The following TRAPPC9 variants were observed in gnomAD, a reference collection of about 807,000 sequenced individuals.
The protein encoded by TRAPPC9 is trafficking protein particle complex subunit 9, also known as IKK2 binding protein.
In TRAPPC9, 83 loss-of-function variants were observed where a neutral mutation model predicts 124.0. The observed-to-expected ratio is 0.67, with a 90% CI of 0.56 to 0.80. The LOEUF is 0.80. TRAPPC9 is among the 30% of genes least tolerant of loss of function. TRAPPC9 has a pLI of 0.00. For synonymous variants in TRAPPC9, 638 were observed against 617.5 expected, an observed-to-expected ratio of 1.03 and a Z score of -0.49; for missense variants, 1,302 against 1,508.3, an observed-to-expected ratio of 0.86 and a Z score of 2.27.
chr8:140,213,374 A>C (rs2063111076), intron 17 of TRAPPC9, among the ~76,000 whole-genome samples: 1 of 152,124 alleles, frequency 6.6e-6, no homozygotes, highest in East Asian at 1.9e-4. Context: ...TATCTATAAA[A>C]TCTGTGTTAT....
chr8:139,727,845 G>A lies in TRAPPC9; in HGVS notation c.*3216C>T, dbSNP rs1817636112. Among the ~76,000 whole-genome samples the A allele has an allele frequency of 6.6e-6, 1 of 152,166 alleles. No homozygotes were observed. Among genetic ancestry groups the A allele is most frequent in the Admixed American group, 6.5e-5 (1 of 15,280 alleles). On this transcript the variant is annotated 3_prime_UTR_variant, in exon 23 of 23. Transcript: ENST00000438773. ...CATGTTACCTAATACATTAAGCCAT[G>A]CAGGGGACTAACGGAGCATAGCAAT...
chr8:140,102,023 G>A (rs1365866885), intron 17 of TRAPPC9, among the ~76,000 whole-genome samples: 1 of 152,162 alleles, frequency 6.6e-6, no homozygotes, highest in Non-Finnish European at 1.5e-5. Context: ...TCCAGAAAAT[G>A]CATATTGGAG....
At position 139,910,221 on chromosome 8, in the gene TRAPPC9, T is replaced by G. The variant is rs1357591960; in HGVS notation, c.2890A>C (p.Lys964Gln). Reference protein sequence around the residue: ...PGEKGQFANPKQLEEERREAR... With the variant: ...PGEKGQFANPQQLEEERREAR... ...TCCCGCCGCTCTTCCTCCAGCTGCT[T>G]GGGGTTTGCAAATTGCCCCTTCTCC... is the stretch of plus-strand genomic sequence containing the variant. Residue 964 changes from lysine to glutamine, a missense_variant, in exon 20 of 23, where the codon AAG becomes CAG. Around this residue, in one of 3 missense-constraint regions of TRAPPC9, gnomAD observed 640 missense variants for 679.3 expected, o/e 0.94. Coordinates refer to ENST00000438773, the MANE Select transcript of TRAPPC9 (RefSeq NM_001160372.4). 4 of 1,614,128 alleles carry G rather than the reference T, an allele frequency of 2.5e-6. No homozygotes were observed. Among genetic ancestry groups the G allele is most frequent in the Non-Finnish European group, 3.4e-6 (4 of 1,180,026 alleles).
At chr8:140,299,332 G>A (rs77376248) in intron 11 of TRAPPC9, among the ~76,000 whole-genome samples, 13 of 152,288 alleles carry the variant, frequency 8.5e-5, no homozygotes, top group African/African-American at 2.6e-4. Context: ...CCTGCAGTCC[G>A]TAACTCGGGG....
At chr8:140,156,520 A>G (rs1041044076) in intron 17 of TRAPPC9, among the ~76,000 whole-genome samples, 15 of 152,242 alleles carry the variant, frequency 9.9e-5, no homozygotes, top group Admixed American at 1.3e-4. Context: ...CTTCTATCAT[A>G]CAAGAGAAAG....
intron 21 of TRAPPC9, among the ~76,000 whole-genome samples, chr8:139,812,233 A>C (rs1320011516): frequency 6.6e-6 from 1 of 152,230 alleles, no homozygotes; most frequent in Non-Finnish European, 1.5e-5. Context: ...AGCAAAAAAA[A>C]CTGTTTAAGG....
chr8:139,755,117 C>T (rs945720183), intron 21 of TRAPPC9, among the ~76,000 whole-genome samples: 47 of 152,228 alleles, frequency 3.1e-4, no homozygotes, highest in African/African-American at 9.9e-4. Flanking sequence ...GCCATGAGCT[C>T]CGAGCCTCGT....
chr8:140,138,209 G>A (rs1360643361), intron 17 of TRAPPC9, among the ~76,000 whole-genome samples: 1 of 152,210 alleles, frequency 6.6e-6, no homozygotes, highest in African/African-American at 2.4e-5. Context: ...GGCTAAAGCA[G>A]AAGAATCACT....
At chr8:140,103,375 G>C (rs2060613534) in intron 17 of TRAPPC9, among the ~76,000 whole-genome samples, 1 of 152,218 alleles carries the variant, frequency 6.6e-6, no homozygotes, top group African/African-American at 2.4e-5. Flanking sequence ...GCTCACGTGA[G>C]GCAGCGCCTC....
intron 7 of TRAPPC9, among the ~76,000 whole-genome samples, chr8:140,373,590 GA>G (rs1358389353): frequency 6.6e-6 from 1 of 151,694 alleles, no homozygotes; most frequent in South Asian, 2.1e-4. Context: ...TTCCTACAGT[GA>G]AAGGTCATGC....
At chr8:140,038,506 C>T (rs1841055224) in intron 17 of TRAPPC9, among the ~76,000 whole-genome samples, 1 of 152,238 alleles carries the variant, frequency 6.6e-6, no homozygotes, top group Admixed American at 6.5e-5. Flanking sequence ...AAAATACCTG[C>T]AGCGAACAAC....
chr8:139,865,543 C>G (rs1381342324), intron 21 of TRAPPC9, among the ~76,000 whole-genome samples: 1 of 152,098 alleles, frequency 6.6e-6, no homozygotes, highest in Non-Finnish European at 1.5e-5. Context: ...TGTTTGAGAC[C>G]AGGCCACCGT....
At chr8:140,451,886 C>G (rs1159304500) in intron 1 of TRAPPC9, among the ~76,000 whole-genome samples, 1 of 152,008 alleles carries the variant, frequency 6.6e-6, no homozygotes, top group African/African-American at 2.4e-5. Flanking sequence ...TTTGGAAGGC[C>G]GAAGCTGGCG....
intron 8 of TRAPPC9, among the ~76,000 whole-genome samples, chr8:140,366,640 A>G (rs1476823095): frequency 6.6e-6 from 1 of 152,232 alleles, no homozygotes; most frequent in Non-Finnish European, 1.5e-5. Flanking sequence ...AACACAAGAG[A>G]AAATCTAGGT....
At chr8:140,390,593 C>T (rs1413206887) in intron 7 of TRAPPC9, among the ~76,000 whole-genome samples, 1 of 152,174 alleles carries the variant, frequency 6.6e-6, no homozygotes, top group African/African-American at 2.4e-5. Context: ...CAAAGATTCC[C>T]ACCGCTTTGC....
intron 18 of TRAPPC9, among the ~76,000 whole-genome samples, chr8:140,012,126 T>A (rs898036291): frequency 1.8e-4 from 27 of 152,198 alleles, no homozygotes; most frequent in Admixed American, 1.8e-3. Context: ...ACATTTTGTA[T>A]AACAAGTTTG....
chr8:139,817,728 A>G (rs1043877057), intron 21 of TRAPPC9, among the ~76,000 whole-genome samples: 1 of 152,136 alleles, frequency 6.6e-6, no homozygotes, highest in Non-Finnish European at 1.5e-5. Flanking sequence ...TGCTTCCTCC[A>G]CTGCTGGGGA....
chr8:140,228,088 A>G (rs2063497610), intron 16 of TRAPPC9, among the ~76,000 whole-genome samples: 2 of 152,254 alleles, frequency 1.3e-5, no homozygotes, highest in African/African-American at 2.4e-5. Context: ...CTTAGCATCT[A>G]TCTCCAGTGG....
chr8:140,414,133 T>C (rs1182162232), intron 5 of TRAPPC9, among the ~76,000 whole-genome samples: 4 of 152,038 alleles, frequency 2.6e-5, no homozygotes, highest in African/African-American at 9.6e-5. Context: ...TAAAGGGAAA[T>C]TGACCCAAGA....
Sources: allele counts gnomAD v4.1 joint callset (sites outside exome capture counted in the v4.1 genomes callset), GRCh38; gene constraint gnomAD v4.1.1; regional missense constraint gnomAD v4.1.1; transcripts MANE v1.5; gene names NCBI Gene and HGNC (gene_info 2026-07-23, HGNC 2026-07-21).